Variants in KHDRBS3 observed in about 807,000 individuals in gnomAD.
The protein encoded by KHDRBS3 is KH RNA binding domain containing, signal transduction associated 3.
KHDRBS3 carries 23 observed loss-of-function variants against 45.6 expected under a neutral mutation model. The observed-to-expected ratio is 0.50, with a 90% CI of 0.36 to 0.72. The LOEUF (loss-of-function observed/expected upper bound fraction) is 0.72. KHDRBS3 is among the 30% of genes least tolerant of loss of function. The pLI is 0.00. For missense variants in KHDRBS3, 352 were observed against 424.8 expected, an observed-to-expected ratio of 0.83 and a Z score of 1.51; for synonymous variants, 162 against 156.5, an observed-to-expected ratio of 1.04 and a Z score of -0.26.
intron 1 of KHDRBS3, among the ~76,000 whole-genome samples, chr8:135,516,662 A>G (rs1370646062): frequency 6.6e-6 from 1 of 151,586 alleles, no homozygotes; most frequent in African/African-American, 2.4e-5. Flanking sequence ...CATTTTGTGC[A>G]GTAGCCACAT....
At chr8:135,532,044 C>T (rs1242787272) in intron 2 of KHDRBS3, among the ~76,000 whole-genome samples, 2 of 152,082 alleles carry the variant, frequency 1.3e-5, no homozygotes, top group African/African-American at 4.8e-5. Flanking sequence ...ATCAGTAATG[C>T]AAAGCTTGAC....
At chr8:135,561,539 G>GTTT (rs11406237) in intron 5 of KHDRBS3, among the ~76,000 whole-genome samples, 2 of 146,892 alleles carry the variant, frequency 1.4e-5, no homozygotes, top group Admixed American at 6.8e-5. Flanking sequence ...TAAGTAATAA[G>GTTT]TTTTTTTTTT....
At chr8:135,599,771 G>T (rs1239491923) in intron 6 of KHDRBS3, among the ~76,000 whole-genome samples, 1 of 152,228 alleles carries the variant, frequency 6.6e-6, no homozygotes, top group Non-Finnish European at 1.5e-5. Context: ...AGGAGAGAGG[G>T]ATAATTCAGC....
intron 1 of KHDRBS3, among the ~76,000 whole-genome samples, chr8:135,463,531 T>A (rs550901962): frequency 6.6e-6 from 1 of 152,320 alleles, no homozygotes; most frequent in African/African-American, 2.4e-5. Context: ...TTGAATCAGA[T>A]GTTTATTTAC....
At chr8:135,506,610 G>T (rs1824008155) in intron 1 of KHDRBS3, among the ~76,000 whole-genome samples, 2 of 151,946 alleles carry the variant, frequency 1.3e-5, no homozygotes, top group Admixed American at 1.3e-4. Flanking sequence ...CACCATACTG[G>T]CCAGGCTGGT....
At chr8:135,493,617 A>G (rs111278919) in intron 1 of KHDRBS3, among the ~76,000 whole-genome samples, 1,929 of 152,246 alleles carry the variant, frequency 0.013, 43 homozygotes, top group Non-Finnish European at 0.013. Context: ...TAAGCCAGTC[A>G]TCTACTTGGG....
intron 1 of KHDRBS3, among the ~76,000 whole-genome samples, chr8:135,499,232 A>G (rs1375220960): frequency 6.6e-6 from 1 of 152,212 alleles, no homozygotes; most frequent in Non-Finnish European, 1.5e-5. Context: ...TAATACCAGT[A>G]TCTTCTATGA....
intron 5 of KHDRBS3, among the ~76,000 whole-genome samples, chr8:135,570,118 T>C (rs1827632051): frequency 6.6e-6 from 1 of 152,222 alleles, no homozygotes; most frequent in Non-Finnish European, 1.5e-5. Context: ...GCACTTATTT[T>C]GGCAAAACTT....
At chr8:135,652,334 G>A (rs1408812667), downstream of KHDRBS3, among the ~76,000 whole-genome samples, 1 of 152,170 alleles carries the variant, frequency 6.6e-6, no homozygotes, top group Non-Finnish European at 1.5e-5. Context: ...GTATTTCAGT[G>A]ATTAGCATCC....
intron 2 of KHDRBS3, among the ~76,000 whole-genome samples, chr8:135,526,205 T>C (rs1825177113): frequency 6.6e-6 from 1 of 152,152 alleles, no homozygotes; most frequent in Non-Finnish European, 1.5e-5. Flanking sequence ...TTTCTCGGAA[T>C]GTGTTCACAT....
chr8:135,648,091 T>G (rs1831359674), downstream of KHDRBS3: 1 of 152,210 alleles, frequency 6.6e-6, no homozygotes, highest in South Asian at 2.1e-4. Flanking sequence ...GCTGAGGATG[T>G]GTAACCCTTA....
intron 7 of KHDRBS3, among the ~76,000 whole-genome samples, chr8:135,641,078 C>T (rs548682565): frequency 6.6e-6 from 1 of 152,160 alleles, no homozygotes; most frequent in African/African-American, 2.4e-5. Context: ...TAAGTTTTCA[C>T]TTGTCAAAAC....
intron 1 of KHDRBS3, among the ~76,000 whole-genome samples, chr8:135,468,670 T>G (rs1252462078): frequency 6.6e-6 from 1 of 152,342 alleles, no homozygotes; most frequent in East Asian, 1.9e-4. Context: ...CCTTCCCTGC[T>G]CTCAGCAGAG....
At chr8:135,481,609 A>G (rs7018183) in intron 1 of KHDRBS3, among the ~76,000 whole-genome samples, 5,791 of 152,308 alleles carry the variant, frequency 0.038, 359 homozygotes, top group African/African-American at 0.13. Context: ...ACACAAGTCT[A>G]CCAGCCAAAT....
intron 4 of KHDRBS3, among the ~76,000 whole-genome samples, chr8:135,553,466 A>G (rs1312860599): frequency 5.9e-5 from 9 of 152,072 alleles, no homozygotes; most frequent in Admixed American, 2.6e-4. Context: ...GAGCATATGC[A>G]GTTTTATTTC....
downstream of KHDRBS3, among the ~76,000 whole-genome samples, chr8:135,650,058 C>T (rs900659891): frequency 2.6e-5 from 4 of 152,066 alleles, no homozygotes; most frequent in East Asian, 1.9e-4. Flanking sequence ...GTTCCCAAAT[C>T]GCTTCCCCCT....
intron 1 of KHDRBS3, among the ~76,000 whole-genome samples, chr8:135,460,642 G>A (rs1474238063): frequency 6.6e-6 from 1 of 152,182 alleles, no homozygotes; most frequent in African/African-American, 2.4e-5. Context: ...AAATGTGTAG[G>A]AAATAGTATA....
chr8:135,610,883 T>G (rs1829681443), intron 7 of KHDRBS3, among the ~76,000 whole-genome samples: 1 of 151,792 alleles, frequency 6.6e-6, no homozygotes, highest in African/African-American at 2.4e-5. Context: ...ACAGCATGTT[T>G]CCTCCACAGG....
In KHDRBS3 at chr8:135,647,126, C is replaced by T; in HGVS notation, c.*42C>T. The T allele has an allele frequency of 1.0e-6, 1 of 984,922 alleles. No individual in the cohort carries two copies. The highest frequency in any genetic ancestry group is 1.6e-6 in the Non-Finnish European group (1 of 625,734). The allele number at this position is 984,922 out of a possible 1,614,324, so 61.0% of individuals were successfully genotyped here. A position where few individuals can be genotyped will look rare whatever the true frequency, so the allele number is the denominator to read the frequency against. On this transcript the variant is annotated 3_prime_UTR_variant, in exon 9 of 9. Coordinates refer to ENST00000355849, the MANE Select transcript of KHDRBS3 (RefSeq NM_006558.3). ...TGTGAAATAGCCAATCTCCACCAGT[C>T]CTGTATACTGTTCAAAGTAATTTTT...
Sources: allele counts gnomAD v4.1 joint callset (sites outside exome capture counted in the v4.1 genomes callset), GRCh38; gene constraint gnomAD v4.1.1; transcripts MANE v1.5; gene names NCBI Gene and HGNC (gene_info 2026-07-23, HGNC 2026-07-21).